Variants in ZNF804B observed in about 807,000 individuals in gnomAD.
The protein encoded by ZNF804B is zinc finger 804B.
ZNF804B carries 80 observed loss-of-function variants against 101.4 expected under a neutral mutation model. The ratio of observed to expected loss-of-function variants is 0.79; its 90% CI spans 0.66 to 0.95. The LOEUF (loss-of-function observed/expected upper bound fraction) is 0.95, where lower values mean the gene tolerates loss of function less well. Among genes scored for constraint, ZNF804B ranks in the 40% least tolerant of loss-of-function variants. The pLI is 0.00. For missense variants in ZNF804B, 1,673 were observed against 1,561.9 expected (o/e 1.07, Z -1.20); for synonymous variants, 622 against 558.8 (o/e 1.11, Z -1.59).
At chr7:89,226,135 G>C (rs1273801967) in intron 2 of ZNF804B, among the ~76,000 whole-genome samples, 2 of 151,924 alleles carry the variant, frequency 1.3e-5, no homozygotes, top group African/African-American at 2.4e-5. Flanking sequence ...ATACCACCCG[G>C]TGTTGACAAG....
At chr7:89,049,821 G>A (rs561425220) in intron 1 of ZNF804B, among the ~76,000 whole-genome samples, 1 of 152,194 alleles carries the variant, frequency 6.6e-6, no homozygotes, top group Admixed American at 6.5e-5. Context: ...AGACAAGCCT[G>A]GCCAACATGG....
intron 1 of ZNF804B, among the ~76,000 whole-genome samples, chr7:89,194,251 C>A (rs964507606): frequency 1.3e-5 from 2 of 152,106 alleles, no homozygotes; most frequent in Middle Eastern, 3.2e-3. Context: ...AATTTTCTCC[C>A]ATTTTGTAGG....
chr7:89,211,027 T>G (rs1409852226), intron 1 of ZNF804B, among the ~76,000 whole-genome samples: 1 of 152,214 alleles, frequency 6.6e-6, no homozygotes, highest in Non-Finnish European at 1.5e-5. Context: ...TTTTTAAGCA[T>G]CTCCATTCTG....
rs573675721 is a variant in ZNF804B at position 89,004,620 on chromosome 7, T to C, written c.109-213535T>C. Among the ~76,000 whole-genome samples, 9 of 152,024 alleles carry C rather than the reference T, an allele frequency of 5.9e-5. No individual in the cohort carries two copies. The South Asian group carries it at 1.5e-3, about 25-fold the overall frequency. Reference sequence around the variant, plus strand: ...CTACTACTGTTCTTCCATCAATTTTTGCTTCTTTATGCAGTGGTGAATATT... The same window carrying C: ...CTACTACTGTTCTTCCATCAATTTTCGCTTCTTTATGCAGTGGTGAATATT... On this transcript the variant is annotated intron_variant, in intron 1 of 3. Coordinates refer to ENST00000333190, the MANE Select transcript of ZNF804B (RefSeq NM_181646.5).
chr7:89,307,008 C>T (rs1790574068), intron 2 of ZNF804B, among the ~76,000 whole-genome samples: 1 of 151,948 alleles, frequency 6.6e-6, no homozygotes, highest in African/African-American at 2.4e-5. Flanking sequence ...GGACTGCATG[C>T]ATCTGTTTAC....
chr7:89,199,157 T>C (rs972787866), intron 1 of ZNF804B, among the ~76,000 whole-genome samples: 1 of 151,854 alleles, frequency 6.6e-6, no homozygotes, highest in Non-Finnish European at 1.5e-5. Context: ...TAACTACATC[T>C]CTTCCTTGTG....
At chr7:88,994,700 T>C (rs927273901) in intron 1 of ZNF804B, among the ~76,000 whole-genome samples, 1 of 152,100 alleles carries the variant, frequency 6.6e-6, no homozygotes, top group East Asian at 1.9e-4. Context: ...TTCCCTACTT[T>C]GTTGGTTCAT....
chr7:89,103,019 T>G (rs929623142), intron 1 of ZNF804B, among the ~76,000 whole-genome samples: 2 of 149,086 alleles, frequency 1.3e-5, no homozygotes, highest in African/African-American at 4.9e-5. Context: ...TTCTGGGTTC[T>G]CTATTCTATT....
chr7:88,864,330 A>G (rs531404394), intron 1 of ZNF804B, among the ~76,000 whole-genome samples: 14 of 152,210 alleles, frequency 9.2e-5, no homozygotes, highest in African/African-American at 3.4e-4. Flanking sequence ...TATGGCTTCT[A>G]TTTTTGTCTT....
At chr7:88,785,690 G>T (rs183679134) in intron 1 of ZNF804B, among the ~76,000 whole-genome samples, 73 of 152,210 alleles carry the variant, frequency 4.8e-4, no homozygotes, top group African/African-American at 1.6e-3. Flanking sequence ...CTGCCTTGTA[G>T]AAATTCTTTC....
chr7:88,907,881 T>G (rs191390052), intron 1 of ZNF804B, among the ~76,000 whole-genome samples: 8 of 152,108 alleles, frequency 5.3e-5, no homozygotes, highest in African/African-American at 1.9e-4. Context: ...TCAGGTTGTT[T>G]AGTAAGAGAG....
At chr7:89,112,101 A>C (rs930438087) in intron 1 of ZNF804B, among the ~76,000 whole-genome samples, 2 of 120,018 alleles carry the variant, frequency 1.7e-5, no homozygotes, top group Non-Finnish European at 3.2e-5. Context: ...GTGGGACTCT[A>C]TCTCAAAAAA....
chr7:88,955,944 T>C (rs1368837190), intron 1 of ZNF804B, among the ~76,000 whole-genome samples: 1 of 151,626 alleles, frequency 6.6e-6, no homozygotes, highest in East Asian at 2.0e-4. Flanking sequence ...TAGACATTTC[T>C]GAAAAGAAGA....
intron 1 of ZNF804B, among the ~76,000 whole-genome samples, chr7:89,203,318 C>T (rs1180406593): frequency 6.6e-6 from 1 of 152,150 alleles, no homozygotes; most frequent in Non-Finnish European, 1.5e-5. Context: ...GGTATATGTG[C>T]ATAAACTGAT....
intron 1 of ZNF804B, among the ~76,000 whole-genome samples, chr7:89,169,922 G>C (rs1328896643): frequency 6.6e-6 from 1 of 152,144 alleles, no homozygotes; most frequent in Admixed American, 6.5e-5. Flanking sequence ...AGAGAAATAA[G>C]AAGCTATTGG....
chr7:89,207,748 A>C (rs562268013), intron 1 of ZNF804B, among the ~76,000 whole-genome samples: 74 of 152,358 alleles, frequency 4.9e-4, no homozygotes, highest in African/African-American at 1.5e-3. Flanking sequence ...GGATAAAAAT[A>C]AATCAATCAA....
chr7:88,800,845 A>G (rs1790569187), intron 1 of ZNF804B, among the ~76,000 whole-genome samples: 1 of 151,954 alleles, frequency 6.6e-6, no homozygotes, highest in Admixed American at 6.6e-5. Context: ...AAACCACAGA[A>G]TCTGCAAATT....
chr7:89,172,557 T>C, intron 1 of ZNF804B, among the ~76,000 whole-genome samples: 1 of 152,206 alleles, frequency 6.6e-6, no homozygotes, highest in Non-Finnish European at 1.5e-5. Context: ...CTTTTTCTCC[T>C]TCCTGAATAC....
At chr7:89,095,149 C>G (rs1413434729) in intron 1 of ZNF804B, among the ~76,000 whole-genome samples, 8 of 152,086 alleles carry the variant, frequency 5.3e-5, no homozygotes, top group Non-Finnish European at 8.8e-5. Context: ...CATGAGCCCT[C>G]CACCTTCATT....
Sources: gnomAD v4.1 joint callset for allele counts (sites outside exome capture counted in the v4.1 genomes callset) on GRCh38, gnomAD v4.1.1 for gene constraint, MANE v1.5 for transcripts, NCBI Gene and HGNC (gene_info 2026-07-23, HGNC 2026-07-21) for gene names.